The following IFT140 variants were observed in gnomAD, a reference collection of about 807,000 sequenced individuals.
IFT140 encodes the protein intraflagellar transport 140.
Under a neutral mutation model 164.6 loss-of-function variants are expected in IFT140, and 133 were observed. The ratio of observed to expected loss-of-function variants is 0.81; its 90% CI spans 0.70 to 0.93. The LOEUF (loss-of-function observed/expected upper bound fraction) is 0.93. Among genes scored for constraint, IFT140 ranks in the 40% least tolerant of loss-of-function variants. The pLI, the probability that IFT140 is intolerant of heterozygous loss-of-function variation, is 0.00. For missense variants in IFT140, 2,045 were observed against 1,972.3 expected (o/e 1.04, Z -0.70); for synonymous variants, 860 against 817.3 (o/e 1.05, Z -0.89).
intron 4 of IFT140, among the ~76,000 whole-genome samples, chr16:1,592,898 G>C (rs1054450594): frequency 2.0e-5 from 3 of 151,222 alleles, no homozygotes; most frequent in African/African-American, 7.3e-5. Context: ...TGGAAGGACA[G>C]GTGCCCTGGC....
intron 19 of IFT140, among the ~76,000 whole-genome samples, chr16:1,552,710 G>A (rs1167122362): frequency 2.0e-5 from 3 of 149,380 alleles, no homozygotes; most frequent in Non-Finnish European, 4.4e-5. Context: ...GTGCAGTGGC[G>A]TGATCTCGGC....
chr16:1,563,687 T>C lies in IFT140; in HGVS notation c.2067+310A>G, dbSNP rs539583581. ...GGTGGCATCGAGGTTACAGTGACGC[T>C]GCCATCAGTGGGAGCTGTGAGGCAG... On this transcript the variant is annotated intron_variant, in intron 17 of 30. Transcript: ENST00000426508. 3.9e-3 allele frequency among the ~76,000 whole-genome samples: 601 copies of C among 152,280 alleles called. 1 individual carries two copies. Among genetic ancestry groups the C allele is most frequent in the Non-Finnish European group, 5.4e-3 (369 of 68,032 alleles).
intron 17 of IFT140, 80 bp downstream of exon 17, chr16:1,563,917 G>A (rs1202122870): frequency 3.6e-6 from 5 of 1,391,934 alleles, no homozygotes; most frequent in African/African-American, 2.9e-5. Context: ...GTGAGCCACC[G>A]TGCCCAGCCC....
In IFT140 at chr16:1,583,487, A is replaced by G. The variant is rs184967079; in HGVS notation, c.1360-101T>C. 66 of 860,004 alleles carry G rather than the reference A, an allele frequency of 7.7e-5. No homozygotes were observed. In the African/African-American group the frequency reaches 1.0e-3, roughly 13 times the overall value. The allele number at this position is 860,004 out of a possible 1,614,324, so 53.3% of individuals were successfully genotyped here. A position where few individuals can be genotyped will look rare whatever the true frequency, so the allele number is the denominator to read the frequency against. ...GAAAGCCTCCTCTAAACACTTCTGAACACTGCTGCTCCATCATCCTACGAC... is the reference window on the plus strand; with the variant it reads ...GAAAGCCTCCTCTAAACACTTCTGAGCACTGCTGCTCCATCATCCTACGAC... On this transcript the variant is annotated intron_variant, in intron 11 of 30. Transcript: ENST00000426508.
chr16:1,544,377 G>A (rs2031956517), intron 19 of IFT140, among the ~76,000 whole-genome samples: 1 of 151,910 alleles, frequency 6.6e-6, no homozygotes, highest in Non-Finnish European at 1.5e-5. Flanking sequence ...AGTAGAGATG[G>A]GGTTTCACTA....
intron 11 of IFT140, 129 bp downstream of exon 11, chr16:1,584,088 A>T: frequency 1.4e-6 from 1 of 702,738 alleles, no homozygotes; most frequent in Non-Finnish European, 2.4e-6. Flanking sequence ...ATATCCAGGA[A>T]ATAAGAGAAT....
In IFT140 at chr16:1,528,322, T is replaced by C. The variant is rs531240385; in HGVS notation, c.2400-1526A>G. ...CCAAAGCCACACACACACGCACGCA[T>C]GCACGCACGTGTGCACACACACGCA... On this transcript the variant is annotated intron_variant, in intron 19 of 30. Coordinates refer to ENST00000426508, the MANE Select transcript of IFT140 (RefSeq NM_014714.4). 1.5e-3 allele frequency among the ~76,000 whole-genome samples: 174 copies of C among 117,066 alleles called. 1 individual carries two copies. The highest frequency in any genetic ancestry group is 2.0e-3 in the African/African-American group (47 of 23,588). The allele number at this position is 117,066 out of a possible 152,430, so 76.8% of individuals were successfully genotyped here. A position where few individuals can be genotyped will look rare whatever the true frequency, so the allele number is the denominator to read the frequency against.
At position 1,600,887 on chromosome 16, in the gene IFT140, A is replaced by G. The variant is rs911573931; in HGVS notation, c.369+1483T>C. Among the ~76,000 whole-genome samples, 14 of 152,006 alleles carry G rather than the reference A, an allele frequency of 9.2e-5. 1 individual carries two copies. Among genetic ancestry groups the G allele is most frequent in the African/African-American group, 3.4e-4 (14 of 41,368 alleles). ...ACATCCTCAAAATGTAAATTTCATGAAAGACCAAAAAAAAAAAAGGGAGGA... is the reference window on the plus strand; with the variant it reads ...ACATCCTCAAAATGTAAATTTCATGGAAGACCAAAAAAAAAAAAGGGAGGA... On this transcript the variant is annotated intron_variant, in intron 4 of 30. Transcript: ENST00000426508.
At position 1,554,173 on chromosome 16, in the gene IFT140, C is replaced by G. The variant is rs2032902553; in HGVS notation, c.2399+3762G>C. The G allele has an allele frequency of 1.5e-5, 19 of 1,262,668 alleles. No individual in the cohort carries two copies. In the South Asian group the frequency reaches 2.4e-4, roughly 16 times the overall value. The allele number at this position is 1,262,668 out of a possible 1,614,324, so 78.2% of individuals were successfully genotyped here. A position where few individuals can be genotyped will look rare whatever the true frequency, so the allele number is the denominator to read the frequency against. On this transcript the variant is annotated intron_variant, in intron 19 of 30. Transcript: ENST00000426508. ...GGAGCCCTAGACAAGGCCCTGGCCC[C>G]ATCTCCGCCCTGCCTGAGCTGCAGA...
At chr16:1,578,019 C>A (rs2034364913) in intron 13 of IFT140, 1 of 152,208 alleles carries the variant, frequency 6.6e-6, no homozygotes, top group Admixed American at 6.5e-5. Context: ...CTCTCAACTA[C>A]TCCCTTCCAG....
At chr16:1,542,816 G>A (rs963090611) in intron 19 of IFT140, among the ~76,000 whole-genome samples, 1 of 152,260 alleles carries the variant, frequency 6.6e-6, no homozygotes, top group African/African-American at 2.4e-5. Context: ...CCTTGCAGGC[G>A]AGGGGCCATT....
At chr16:1,512,813 A>C (rs1567315070) in intron 30 of IFT140, among the ~76,000 whole-genome samples, 2 of 152,300 alleles carry the variant, frequency 1.3e-5, no homozygotes, top group African/African-American at 2.4e-5. Context: ...GCAACAACAA[A>C]AAAGAAACCT....
chr16:1,606,792 G>C (rs1229965828), intron 3 of IFT140, among the ~76,000 whole-genome samples: 2 of 152,014 alleles, frequency 1.3e-5, no homozygotes, highest in South Asian at 2.1e-4. Flanking sequence ...GAATAAGCTA[G>C]AGTAGAGTTC....
In IFT140 at chr16:1,528,348, T is replaced by C. The variant is rs535528404; in HGVS notation, c.2400-1552A>G. The stretch of plus-strand genomic sequence containing the variant: ...GCACGCACGTGTGCACACACACGCA[T>C]GCACGCACGTGTGCACACACACGCA... On this transcript the variant is annotated intron_variant, in intron 19 of 30. Transcript: ENST00000426508. Among the ~76,000 whole-genome samples, 47 of 127,342 alleles carry C rather than the reference T, an allele frequency of 3.7e-4. 1 individual carries two copies. Among genetic ancestry groups the C allele is most frequent in the South Asian group, 9.3e-4 (4 of 4,280 alleles). 83.5% of individuals were successfully genotyped at this position (127,342 alleles called of 152,430 possible). A position where few individuals can be genotyped will look rare whatever the true frequency, so the allele number is the denominator to read the frequency against.
At chr16:1,547,570 T>G (rs1419010434) in intron 19 of IFT140, among the ~76,000 whole-genome samples, 1 of 152,186 alleles carries the variant, frequency 6.6e-6, no homozygotes, top group Non-Finnish European at 1.5e-5. Context: ...AGGGTCTCAC[T>G]CCGATACCCA....
intron 22 of IFT140, among the ~76,000 whole-genome samples, 144 bp downstream of exon 22, chr16:1,525,074 GCCTGGCTCAGGGC>G (rs1567329061): frequency 6.6e-6 from 1 of 152,182 alleles, no homozygotes; most frequent in African/African-American, 2.4e-5. Context: ...CAAAGGGAGG[GCCTGGCTCAGGGC>G]CCTGGCATGG....
chr16:1,549,096 C>T (rs1380467006), intron 19 of IFT140, among the ~76,000 whole-genome samples: 1 of 152,138 alleles, frequency 6.6e-6, no homozygotes, highest in African/African-American at 2.4e-5. Context: ...CCTAGGGCCG[C>T]GCAGGTTCAT....
At chr16:1,586,414 A>T in intron 9 of IFT140, 139 bp from the exon 10 acceptor site, 2 of 818,918 alleles carry the variant, frequency 2.4e-6, no homozygotes, top group Non-Finnish European at 3.7e-6. Context: ...CCCTGGCTGC[A>T]TCTTTCTGCC....
Position 1,510,751 on chromosome 16 carries a change from G to A in IFT140, c.*193C>T. ...GGAGCTGCCGGGCACCCAGAGGCAG[G>A]TGGGACAGAGCAAGGTGCAGACGGG... On this transcript the variant is annotated 3_prime_UTR_variant, in exon 31 of 31. Transcript: ENST00000426508. 1.6e-6 allele frequency: 1 copy of A among 611,234 alleles called. No individual in the cohort carries two copies. The highest frequency in any genetic ancestry group is 2.9e-6 in the Non-Finnish European group (1 of 345,482). The allele number at this position is 611,234 out of a possible 1,614,324, so 37.9% of individuals were successfully genotyped here. A position where few individuals can be genotyped will look rare whatever the true frequency, so the allele number is the denominator to read the frequency against.
Sources: allele counts gnomAD v4.1 joint callset (sites outside exome capture counted in the v4.1 genomes callset), GRCh38; gene constraint gnomAD v4.1.1; transcripts MANE v1.5; gene names NCBI Gene and HGNC (gene_info 2026-07-23, HGNC 2026-07-21).